Variants in PCDH9 observed in about 807,000 individuals in gnomAD.
PCDH9 encodes protocadherin-9.
In PCDH9, 24 loss-of-function variants were observed where a neutral mutation model predicts 70.6. The ratio of observed to expected loss-of-function variants is 0.34; its 90% CI spans 0.25 to 0.48. PCDH9 has a LOEUF of 0.48. Among genes scored for constraint, PCDH9 ranks in the 20% least tolerant of loss-of-function variants. The pLI, the probability that PCDH9 is intolerant of heterozygous loss-of-function variation, is 0.99. For missense variants in PCDH9, 1,281 were observed against 1,503.6 expected, an observed-to-expected ratio of 0.85 and a Z score of 2.45; for synonymous variants, 562 against 558.5, an observed-to-expected ratio of 1.01 and a Z score of -0.09.
intron 2 of PCDH9, among the ~76,000 whole-genome samples, chr13:67,155,211 C>A (rs9317645): frequency 0.17 from 25,254 of 152,120 alleles, 2,378 homozygotes; most frequent in Non-Finnish European, 0.2. Flanking sequence ...TGAATGCAAA[C>A]GGCCAGCAGG....
At chr13:66,734,410 A>G (rs540643330) in intron 3 of PCDH9, among the ~76,000 whole-genome samples, 1 of 152,272 alleles carries the variant, frequency 6.6e-6, no homozygotes, top group South Asian at 2.1e-4. Flanking sequence ...TCCCTGTAAT[A>G]AACAGTAATT....
chr13:66,504,940 A>C (rs1959196320), intron 4 of PCDH9, among the ~76,000 whole-genome samples: 1 of 152,194 alleles, frequency 6.6e-6, no homozygotes, highest in African/African-American at 2.4e-5. Flanking sequence ...ACTCCTTACC[A>C]GAGCAAGTGT....
chr13:66,685,969 C>G (rs1366780975), intron 3 of PCDH9, among the ~76,000 whole-genome samples: 1 of 152,096 alleles, frequency 6.6e-6, no homozygotes, highest in Non-Finnish European at 1.5e-5. Context: ...AAGGGACTTG[C>G]CTTGTCTCAG....
At chr13:66,488,710 T>C (rs549444380) in intron 4 of PCDH9, among the ~76,000 whole-genome samples, 1 of 152,322 alleles carries the variant, frequency 6.6e-6, no homozygotes, top group East Asian at 1.9e-4. Context: ...AAAATTTATA[T>C]ATGTGTGTGA....
intron 4 of PCDH9, among the ~76,000 whole-genome samples, chr13:66,396,894 C>A (rs2138283319): frequency 6.6e-6 from 1 of 152,180 alleles, no homozygotes. Flanking sequence ...ACAAGTGGAT[C>A]TTTCATTTGT....
At chr13:66,548,937 A>AT (rs1294253411) in intron 4 of PCDH9, among the ~76,000 whole-genome samples, 1 of 152,046 alleles carries the variant, frequency 6.6e-6, no homozygotes, top group African/African-American at 2.4e-5. Flanking sequence ...CTTATTTCTG[A>AT]TTTTTAATGT....
chr13:66,605,790 G>A (rs2077215420), intron 4 of PCDH9, among the ~76,000 whole-genome samples: 1 of 151,962 alleles, frequency 6.6e-6, no homozygotes, highest in South Asian at 2.1e-4. Context: ...TTGAATGACT[G>A]TACTTTTTTT....
chr13:66,643,801 A>C (rs909326446), intron 3 of PCDH9, among the ~76,000 whole-genome samples: 1 of 152,028 alleles, frequency 6.6e-6, no homozygotes, highest in African/African-American at 2.4e-5. Flanking sequence ...TTTTGAAGAT[A>C]AAAATGTAAA....
At chr13:67,018,363 G>A (rs1594397410) in intron 2 of PCDH9, among the ~76,000 whole-genome samples, 1 of 152,092 alleles carries the variant, frequency 6.6e-6, no homozygotes, top group African/African-American at 2.4e-5. Flanking sequence ...GCTCATGCCT[G>A]TAATCCCAGC....
At chr13:67,224,718 G>A in intron 2 of PCDH9, 1 of 639,502 alleles carries the variant, frequency 1.6e-6, no homozygotes, top group Non-Finnish European at 1.9e-6. Context: ...GTTATATTAG[G>A]CAGCAAGCAT....
At chr13:66,902,268 AAAAG>A (rs1267427370) in intron 3 of PCDH9, among the ~76,000 whole-genome samples, 4 of 151,730 alleles carry the variant, frequency 2.6e-5, no homozygotes, top group Non-Finnish European at 4.4e-5. Context: ...CACACAAAGA[AAAAG>A]AAATAGAATA....
At chr13:66,970,418 C>T (rs1174013001) in intron 2 of PCDH9, among the ~76,000 whole-genome samples, 1 of 151,572 alleles carries the variant, frequency 6.6e-6, no homozygotes, top group Non-Finnish European at 1.5e-5. Context: ...CACTTGAGGC[C>T]AGGAGTTCAA....
At chr13:66,539,660 T>C (rs561221638) in intron 4 of PCDH9, among the ~76,000 whole-genome samples, 2 of 152,236 alleles carry the variant, frequency 1.3e-5, no homozygotes, top group South Asian at 2.1e-4. Context: ...TCATGGAGTA[T>C]TGGGTTTTTT....
chr13:66,585,701 G>T (rs1469812532), intron 4 of PCDH9, among the ~76,000 whole-genome samples: 1 of 152,072 alleles, frequency 6.6e-6, no homozygotes, highest in African/African-American at 2.4e-5. Context: ...CACTTATTCT[G>T]TCAGAGAACC....
chr13:66,771,134 A>G (rs1039882329), intron 3 of PCDH9, among the ~76,000 whole-genome samples: 9 of 152,096 alleles, frequency 5.9e-5, no homozygotes, highest in Non-Finnish European at 1.3e-4. Flanking sequence ...TGCAGTGGCT[A>G]TTCACAGATG....
rs548914417 is a variant in PCDH9, at chr13:66,803,194, G to A, written c.3138+100310C>T. ...GGTATACAACTAATGTGTGCTGTTTGCAGCCCTAGGCCATAAAACAAGTAT... is the reference window on the plus strand; with the variant it reads ...GGTATACAACTAATGTGTGCTGTTTACAGCCCTAGGCCATAAAACAAGTAT... On this transcript the variant is annotated intron_variant, in intron 3 of 4. Transcript: ENST00000377865. Among the ~76,000 whole-genome samples the A allele has an allele frequency of 1.5e-3, 222 of 152,200 alleles. 1 individual carries two copies. The highest frequency in any genetic ancestry group is 0.01 in the Middle Eastern group (3 of 294).
chr13:66,407,057 A>T (rs1331114316), intron 4 of PCDH9, among the ~76,000 whole-genome samples: 2 of 152,188 alleles, frequency 1.3e-5, no homozygotes, highest in African/African-American at 4.8e-5. Flanking sequence ...CAAGGCACAG[A>T]TCTCACTTAT....
chr13:67,125,732 A>T (rs2086964879), intron 2 of PCDH9, among the ~76,000 whole-genome samples: 1 of 152,068 alleles, frequency 6.6e-6, no homozygotes, highest in South Asian at 2.1e-4. Context: ...TCTTTCCCAT[A>T]TTCTTACTCA....
At chr13:66,582,053 C>T (rs979234251) in intron 4 of PCDH9, among the ~76,000 whole-genome samples, 3 of 152,024 alleles carry the variant, frequency 2.0e-5, no homozygotes, top group African/African-American at 7.2e-5. Flanking sequence ...TGGGTAATGT[C>T]TTGAGACCAA....
Sources: gnomAD v4.1 joint callset for allele counts (sites outside exome capture counted in the v4.1 genomes callset) on GRCh38, gnomAD v4.1.1 for gene constraint, MANE v1.5 for transcripts, NCBI Gene and HGNC (gene_info 2026-07-23, HGNC 2026-07-21) for gene names.